Variants in SPMIP4 observed in about 807,000 individuals in gnomAD.
The protein encoded by SPMIP4 is sperm microtubule inner protein 4.
At chr7:25,127,717 C>T in the SPMIP4 span, among the ~76,000 whole-genome samples, 4 of 152,122 alleles carry the variant, frequency 2.6e-5, no homozygotes, top group East Asian at 1.9e-4. Context: ...TTGGTGAGGT[C>T]GTGTTTACCA....
At chr7:25,176,939 A>C in the SPMIP4 span, among the ~76,000 whole-genome samples, 2 of 152,368 alleles carry the variant, frequency 1.3e-5, no homozygotes, top group South Asian at 2.1e-4. This position sits in a 1 kb window ranked among gnomAD's most constrained non-coding sequence, Gnocchi z 4.4. Flanking sequence ...ATCTGTGAGA[A>C]TCAGTGTTTA....
chr7:25,165,799 CCGTGT>C, the SPMIP4 span, among the ~76,000 whole-genome samples: 2 of 152,194 alleles, frequency 1.3e-5, no homozygotes, highest in African/African-American at 2.4e-5. Flanking sequence ...TGCCGATGTA[CCGTGT>C]ATTGAATAGA....
chr7:25,131,370 T>C, the SPMIP4 span, among the ~76,000 whole-genome samples: 2 of 152,204 alleles, frequency 1.3e-5, no homozygotes, highest in Admixed American at 1.3e-4. The surrounding 1 kb of genome is among the most constrained non-coding windows in gnomAD (Gnocchi z 4.2). Context: ...TGTAATGCAC[T>C]TGAATGATCC....
the SPMIP4 span, chr7:25,136,792 TG>T: frequency 6.2e-7 from 1 of 1,606,044 alleles, no homozygotes; most frequent in Non-Finnish European, 8.5e-7. The surrounding 1 kb of genome is among the most constrained non-coding windows in gnomAD (Gnocchi z 5.7). Flanking sequence ...GAATTTTTCT[TG>T]CTGTAGTTGT....
At chr7:25,144,292 TG>T in the SPMIP4 span, among the ~76,000 whole-genome samples, 1 of 152,236 alleles carries the variant, frequency 6.6e-6, no homozygotes, top group Non-Finnish European at 1.5e-5. Flanking sequence ...AAAATATCTC[TG>T]GAACAACCTG....
At chr7:25,170,398 G>A in the SPMIP4 span, among the ~76,000 whole-genome samples, 4 of 152,148 alleles carry the variant, frequency 2.6e-5, no homozygotes, top group African/African-American at 4.8e-5. Flanking sequence ...TTATTTTTGC[G>A]TTACAAGAGT....
At chr7:25,156,798 C>T in the SPMIP4 span, among the ~76,000 whole-genome samples, 1 of 152,196 alleles carries the variant, frequency 6.6e-6, no homozygotes, top group Non-Finnish European at 1.5e-5. Context: ...AGGGATTCTC[C>T]TGCCTCAGCC....
At chr7:25,169,526 G>T in the SPMIP4 span, among the ~76,000 whole-genome samples, 3 of 152,050 alleles carry the variant, frequency 2.0e-5, no homozygotes, top group Admixed American at 6.6e-5. Context: ...AGTTTTCAAG[G>T]TTCATCCATT....
At chr7:25,176,661 T>C in the SPMIP4 span, among the ~76,000 whole-genome samples, 1 of 152,198 alleles carries the variant, frequency 6.6e-6, no homozygotes, top group Non-Finnish European at 1.5e-5. The surrounding 1 kb of genome is among the most constrained non-coding windows in gnomAD (Gnocchi z 4.4). Flanking sequence ...GTTAACACAG[T>C]GGTTATTATC....
At chr7:25,176,255 G>A in the SPMIP4 span, among the ~76,000 whole-genome samples, 1 of 152,186 alleles carries the variant, frequency 6.6e-6, no homozygotes, top group Admixed American at 6.5e-5. This position sits in a 1 kb window ranked among gnomAD's most constrained non-coding sequence, Gnocchi z 4.4. Context: ...GCCTTTGACA[G>A]TGCTTTTTGA....
the SPMIP4 span, among the ~76,000 whole-genome samples, chr7:25,177,826 G>A: frequency 6.6e-6 from 1 of 151,928 alleles, no homozygotes; most frequent in Non-Finnish European, 1.5e-5. Context: ...TTTTTTCTAG[G>A]TTCAGGGGGA....
chr7:25,141,574 G>GAAAAAAAAAAAA, the SPMIP4 span, among the ~76,000 whole-genome samples: 1 of 94,962 alleles, frequency 1.1e-5, no homozygotes, highest in Non-Finnish European at 2.0e-5. Flanking sequence ...CTGTCTCAAG[G>GAAAAAAAAAAAA]AAAAAAAAAA....
the SPMIP4 span, among the ~76,000 whole-genome samples, chr7:25,152,428 G>A: frequency 6.6e-6 from 1 of 152,132 alleles, no homozygotes; most frequent in Admixed American, 6.6e-5. Context: ...ATAAGAACAA[G>A]GGCTGGTGTT....
chr7:25,137,676 T>C, the SPMIP4 span, among the ~76,000 whole-genome samples: 1 of 152,172 alleles, frequency 6.6e-6, no homozygotes, highest in African/African-American at 2.4e-5. Flanking sequence ...TCACAAGACA[T>C]TCTCTCTGCA....
the SPMIP4 span, among the ~76,000 whole-genome samples, chr7:25,158,863 A>T: frequency 2.2e-4 from 33 of 149,616 alleles, no homozygotes; most frequent in South Asian, 4.2e-4. Flanking sequence ...TCAAAAAAAA[A>T]AAAAATAATA....
At chr7:25,158,492 T>A in the SPMIP4 span, 2 of 1,602,718 alleles carry the variant, frequency 1.2e-6, no homozygotes, top group Non-Finnish European at 1.7e-6. Context: ...ATATAAGTTA[T>A]TTACTTACCC....
the SPMIP4 span, among the ~76,000 whole-genome samples, chr7:25,141,597 G>C: frequency 9.3e-6 from 1 of 107,678 alleles, no homozygotes; most frequent in Non-Finnish European, 1.9e-5. Context: ...AAAAAAAAAA[G>C]CAAAGATCTA....
the SPMIP4 span, among the ~76,000 whole-genome samples, chr7:25,160,187 G>T: frequency 1.3e-5 from 1 of 76,790 alleles, no homozygotes; most frequent in South Asian, 5.1e-4. Context: ...TGTCTTTTTG[G>T]CGCCATCTAG....
chr7:25,155,456 CAGTG>C, the SPMIP4 span, among the ~76,000 whole-genome samples: 21 of 152,256 alleles, frequency 1.4e-4, no homozygotes, highest in East Asian at 7.7e-4. Context: ...AATTCTTTGT[CAGTG>C]AGTAAGTTTC....
Sources: gnomAD v4.1 joint callset for allele counts (sites outside exome capture counted in the v4.1 genomes callset) on GRCh38, gnomAD v4.1.1 for gene constraint, Gnocchi (gnomAD v3.1) non-coding constraint, MANE v1.5 for transcripts, NCBI Gene and HGNC (gene_info 2026-07-23, HGNC 2026-07-21) for gene names.